The following DIP2C variants were observed in gnomAD, a reference collection of about 807,000 sequenced individuals.
DIP2C encodes the protein disco-interacting protein 2 homolog C.
In DIP2C, 33 loss-of-function variants were observed where a neutral mutation model predicts 192.4. The observed-to-expected ratio is 0.17, with a 90% CI of 0.13 to 0.23. The LOEUF is 0.23. Ranked by LOEUF, DIP2C falls within the 10% of genes least tolerant of loss-of-function variation. DIP2C has a pLI of 1.00. For synonymous variants in DIP2C, 979 were observed against 864.1 expected (o/e 1.13, Z -2.33); for missense variants, 1,537 against 2,110.1 (o/e 0.73, Z 5.32).
At chr10:569,878 T>TA (rs1849678826) in intron 1 of DIP2C, among the ~76,000 whole-genome samples, 1 of 152,158 alleles carries the variant, frequency 6.6e-6, no homozygotes, top group Non-Finnish European at 1.5e-5. Context: ...TTTGAAGCCA[T>TA]CTGGGTTTAC....
chr10:420,603 C>T (rs1478381231), intron 5 of DIP2C, among the ~76,000 whole-genome samples: 2 of 152,214 alleles, frequency 1.3e-5, no homozygotes, highest in Non-Finnish European at 2.9e-5. Flanking sequence ...TGTAGATGGA[C>T]AGCGGGTAGA....
intron 1 of DIP2C, among the ~76,000 whole-genome samples, chr10:582,502 G>GAGCC (rs1451004379): frequency 6.6e-6 from 1 of 152,226 alleles, no homozygotes; most frequent in East Asian, 1.9e-4. Flanking sequence ...AGGATCGCCT[G>GAGCC]AGCCAGGGAG....
chr10:539,662 C>T (rs1847874201), intron 1 of DIP2C, among the ~76,000 whole-genome samples: 1 of 152,184 alleles, frequency 6.6e-6, no homozygotes. Context: ...GAAGTCGTTC[C>T]TGGTCCAGAG....
chr10:331,529 A>G (rs1957509509), intron 29 of DIP2C, among the ~76,000 whole-genome samples: 5 of 152,242 alleles, frequency 3.3e-5, no homozygotes, highest in Admixed American at 2.6e-4. Context: ...TTTTCTTATC[A>G]TTAGTGACTA....
At chr10:603,316 A>AC (rs1462678515) in intron 1 of DIP2C, among the ~76,000 whole-genome samples, 48 of 146,318 alleles carry the variant, frequency 3.3e-4, no homozygotes, top group African/African-American at 1.1e-3. Flanking sequence ...AAAAAAAAAA[A>AC]AAAAAAAAAA....
intron 1 of DIP2C, among the ~76,000 whole-genome samples, chr10:609,170 T>TG (rs1852889092): frequency 2.6e-5 from 4 of 152,080 alleles, no homozygotes; most frequent in Middle Eastern, 3.4e-3. Context: ...ACTACAAAAA[T>TG]ATTTAATGAT....
chr10:416,382 G>A (rs1965636736), intron 6 of DIP2C, among the ~76,000 whole-genome samples: 3 of 151,976 alleles, frequency 2.0e-5, no homozygotes, highest in Admixed American at 6.6e-5. Context: ...AGTCACGTCT[G>A]GAACCCCCAG....
intron 1 of DIP2C, among the ~76,000 whole-genome samples, chr10:647,568 G>A (rs537542253): frequency 9.5e-5 from 14 of 146,740 alleles, no homozygotes; most frequent in Middle Eastern, 3.8e-3. Flanking sequence ...CTGAGTCCAC[G>A]TCCACATTTG....
rs540545228 is a variant in DIP2C at position 474,531 on chromosome 10, G to A, written c.158-1982C>T. Among the ~76,000 whole-genome samples, 34 of 149,860 alleles carry A rather than the reference G, an allele frequency of 2.3e-4. No individual in the cohort carries two copies. In the East Asian group the frequency reaches 5.5e-3, roughly 24 times the overall value. ...CCGCCCCAGTCCCAAACGTGCTACC[G>A]TCACTGGGCCACGCCTTTCTTCCCG... On this transcript the variant is annotated intron_variant, in intron 2 of 36. Transcript: ENST00000280886.
At chr10:347,852 C>T (rs1229434850) in intron 26 of DIP2C, among the ~76,000 whole-genome samples, 1 of 113,300 alleles carries the variant, frequency 8.8e-6, no homozygotes, top group Non-Finnish European at 2.0e-5. Context: ...CCACACGCAC[C>T]CAGACGCGTC....
At chr10:589,993 G>C (rs1054003666) in intron 1 of DIP2C, among the ~76,000 whole-genome samples, 3 of 152,268 alleles carry the variant, frequency 2.0e-5, no homozygotes, top group African/African-American at 4.8e-5. Flanking sequence ...CGGTTGACTA[G>C]AAGAGAAATA....
intron 32 of DIP2C, among the ~76,000 whole-genome samples, chr10:301,010 G>A (rs959864304): frequency 6.6e-6 from 1 of 152,190 alleles, no homozygotes. Flanking sequence ...CTATCAGTGT[G>A]TAGTCCCTAA....
intron 1 of DIP2C, chr10:663,012 T>TATAG: frequency 1.4e-6 from 1 of 704,548 alleles, no homozygotes; most frequent in South Asian, 1.5e-5. Flanking sequence ...AGGGTTTCTA[T>TATAG]GTCCAGGAAA....
chr10:646,409 G>A (rs965900039), intron 1 of DIP2C, among the ~76,000 whole-genome samples: 1 of 151,946 alleles, frequency 6.6e-6, no homozygotes, highest in African/African-American at 2.4e-5. Context: ...CACCCGCCTC[G>A]ACTCCCCCAT....
chr10:554,044 G>C (rs1167822191), intron 1 of DIP2C, among the ~76,000 whole-genome samples: 1 of 151,886 alleles, frequency 6.6e-6, no homozygotes, highest in Non-Finnish European at 1.5e-5. Flanking sequence ...GTAACTGTAA[G>C]AGTGGCGAAC....
chr10:656,198 T>C (rs1856315648), intron 1 of DIP2C, among the ~76,000 whole-genome samples: 1 of 152,308 alleles, frequency 6.6e-6, no homozygotes, highest in Admixed American at 6.5e-5. Context: ...ATACTATTTG[T>C]CCTATTGTAC....
intron 1 of DIP2C, among the ~76,000 whole-genome samples, chr10:613,311 G>T (rs578226467): frequency 6.6e-6 from 1 of 152,214 alleles, no homozygotes; most frequent in Non-Finnish European, 1.5e-5. Flanking sequence ...CCTAGAAAAC[G>T]TCAGCTAGAG....
intron 32 of DIP2C, among the ~76,000 whole-genome samples, chr10:305,105 C>T (rs942994513): frequency 2.6e-5 from 4 of 152,160 alleles, no homozygotes; most frequent in African/African-American, 9.7e-5. Context: ...TGCAGTATTG[C>T]ACACACGTAC....
At chr10:326,387 TA>T (rs1285163675) in intron 31 of DIP2C, among the ~76,000 whole-genome samples, 9 of 151,894 alleles carry the variant, frequency 5.9e-5, no homozygotes, top group Non-Finnish European at 1.3e-4. Flanking sequence ...ACAAGTAGGA[TA>T]GGGGGTGGGG....
Sources: allele counts gnomAD v4.1 joint callset (sites outside exome capture counted in the v4.1 genomes callset), GRCh38; gene constraint gnomAD v4.1.1; transcripts MANE v1.5; gene names NCBI Gene and HGNC (gene_info 2026-07-23, HGNC 2026-07-21).